Variants in CHM observed in about 807,000 individuals in gnomAD.
CHM encodes the protein rab proteins geranylgeranyltransferase component A 1.
Under a neutral mutation model 49.0 loss-of-function variants are expected in CHM, and 10 were observed. That is an observed-to-expected ratio of 0.20 (90% CI 0.13 to 0.35). The LOEUF (loss-of-function observed/expected upper bound fraction) is 0.35, where lower values mean the gene tolerates loss of function less well. CHM is among the 10% of genes least tolerant of loss of function. CHM has a pLI of 1.00. For missense variants in CHM, 455 were observed against 478.4 expected, an observed-to-expected ratio of 0.95 and a Z score of 0.46; for synonymous variants, 184 against 167.5, an observed-to-expected ratio of 1.10 and a Z score of -0.76.
rs779760173 is a variant in CHM at position 85,973,169 on chromosome X, C to T, written c.314+5598G>A. Among the ~76,000 whole-genome samples, 23 of 106,274 alleles carry T rather than the reference C, an allele frequency of 2.2e-4. No individual in the cohort carries two copies. The East Asian group carries it at 3.0e-3, about 14-fold the overall frequency. 92.3% of individuals were successfully genotyped at this position (106,274 alleles called of 115,157 possible). On this transcript the variant is annotated intron_variant, in intron 4 of 14. Coordinates refer to ENST00000357749, the MANE Select transcript of CHM (RefSeq NM_000390.4). ...CAAAAATTAGCTGCGCATGGTGGCA[C>T]GTGCCTGTAGTCCCAGCTACTCGGG...
intron 6 of CHM, among the ~76,000 whole-genome samples, chrX:85,958,208 C>T (rs1274711655): frequency 3.6e-5 from 4 of 112,148 alleles, no homozygotes; most frequent in Non-Finnish European, 7.5e-5. Context: ...AGGCCAACGG[C>T]ATGTCATCCT....
chrX:85,964,897 C>T (rs1201153979), intron 4 of CHM, among the ~76,000 whole-genome samples: 1 of 112,684 alleles, frequency 8.9e-6, no homozygotes, highest in Non-Finnish European at 1.9e-5. Flanking sequence ...ACTATTTTCA[C>T]TGAGTTGCCA....
chrX:86,008,296 T>C (rs1932914520), intron 2 of CHM, among the ~76,000 whole-genome samples: 2 of 110,662 alleles, frequency 1.8e-5, no homozygotes, highest in Non-Finnish European at 3.8e-5. Flanking sequence ...TTAGGAGAAA[T>C]ACCTAATGTA....
At chrX:85,955,613 T>C (rs1038097975) in intron 8 of CHM, among the ~76,000 whole-genome samples, 1 of 112,283 alleles carries the variant, frequency 8.9e-6, no homozygotes, top group African/African-American at 3.2e-5. Context: ...TATTCTTATG[T>C]ACGGCTAAAA....
At chrX:85,864,894 T>TAA in intron 14 of CHM, 73 bp from the exon 15 acceptor site, 1 of 968,677 alleles carries the variant, frequency 1.0e-6, no homozygotes, top group Non-Finnish European at 1.4e-6. Context: ...TGGCATTAAC[T>TAA]AAAAAAAAAT....
At chrX:85,937,443 A>G (rs1278988360) in intron 8 of CHM, among the ~76,000 whole-genome samples, 1 of 110,267 alleles carries the variant, frequency 9.1e-6, no homozygotes, top group Non-Finnish European at 1.9e-5. Flanking sequence ...TAGTATACAT[A>G]TATAACATAC....
rs768346061 is a variant in CHM at position 85,958,632 on chromosome X, G to A, written c.819+229C>T. Among the ~76,000 whole-genome samples the A allele has an allele frequency of 2.7e-5, 3 of 111,495 alleles. No individual in the cohort carries two copies. In the South Asian group the frequency reaches 1.1e-3, roughly 42 times the overall value. On this transcript the variant is annotated intron_variant, in intron 6 of 14. Coordinates refer to ENST00000357749, the MANE Select transcript of CHM (RefSeq NM_000390.4). ...GTCTTGGGTATAGTAACTCTGGTGT[G>A]CTTTTTGGTTTTTTGTGTGCTGCTT...
rs1043360869 is a variant in CHM, at chrX:85,912,879, G to A, written c.1167-1541C>T. 1.2e-4 allele frequency among the ~76,000 whole-genome samples: 13 copies of A among 108,603 alleles called. No individual in the cohort carries two copies. The South Asian group carries it at 2.5e-3, about 21-fold the overall frequency. 94.3% of individuals were successfully genotyped at this position (108,603 alleles called of 115,157 possible). On this transcript the variant is annotated intron_variant, in intron 8 of 14. Transcript: ENST00000357749. ...AAATACAAAATTAGCCAGGTACGGC[G>A]GTGCATGCCTGTCATCCCAGCTACA...
intron 13 of CHM, among the ~76,000 whole-genome samples, chrX:85,873,987 C>T (rs768135517): frequency 1.8e-5 from 2 of 111,067 alleles, no homozygotes; most frequent in African/African-American, 3.3e-5. Flanking sequence ...GTCTTTTATG[C>T]GTGTTAGGCA....
chrX:86,041,402 C>G (rs1934451983), intron 1 of CHM, among the ~76,000 whole-genome samples: 1 of 110,708 alleles, frequency 9.0e-6, no homozygotes, highest in African/African-American at 3.3e-5. Flanking sequence ...TTCAGAACAG[C>G]AAAATCTGCA....
Position 85,864,574 on chromosome X carries a change from G to C in CHM, c.*56C>G. 1 of 1,004,418 alleles carries C rather than the reference G, an allele frequency of 1.0e-6. No homozygotes were observed. The highest frequency in any genetic ancestry group is 1.4e-6 in the Non-Finnish European group (1 of 713,797). 82.8% of individuals were successfully genotyped at this position (1,004,418 alleles called of 1,213,427 possible). ...TCTCAAACAGTCCTTCTATCAAGTAGACTCTGAGACCAGTCAGAATTTCCA... is the reference window on the plus strand; with the variant it reads ...TCTCAAACAGTCCTTCTATCAAGTACACTCTGAGACCAGTCAGAATTTCCA... On this transcript the variant is annotated 3_prime_UTR_variant, in exon 15 of 15. Coordinates refer to ENST00000357749, the MANE Select transcript of CHM (RefSeq NM_000390.4).
At chrX:86,031,966 A>T (rs745969531) in intron 1 of CHM, among the ~76,000 whole-genome samples, 59 of 112,905 alleles carry the variant, frequency 5.2e-4, no homozygotes, top group Admixed American at 1.3e-3. Context: ...TGCATACTTA[A>T]AAGTTTTTGG....
intron 2 of CHM, among the ~76,000 whole-genome samples, chrX:86,009,874 TATCCTGGACCAG>T (rs1296513571): frequency 9.0e-6 from 1 of 110,854 alleles, no homozygotes; most frequent in Non-Finnish European, 1.9e-5. Flanking sequence ...TGCAAGGTAG[TATCCTGGACCAG>T]ATCCTGGAAC....
At chrX:85,890,631 A>G (rs1209429627) in intron 12 of CHM, among the ~76,000 whole-genome samples, 1 of 112,233 alleles carries the variant, frequency 8.9e-6, no homozygotes, top group Non-Finnish European at 1.9e-5. Flanking sequence ...GCCTCCTGCC[A>G]TGATTCTGAA....
At chrX:85,883,790 TTACA>T (rs965378489) in intron 12 of CHM, among the ~76,000 whole-genome samples, 24 of 110,741 alleles carry the variant, frequency 2.2e-4, no homozygotes, top group African/African-American at 7.2e-4. Flanking sequence ...TTCTGGATTA[TTACA>T]TACATCATAT....
Position 86,014,433 on chromosome X carries a change from C to T in CHM, c.116+13058G>A, listed in dbSNP as rs1487284444. ...TTACCAGAAGGAAAAGAGAATTCAT[C>T]TACAAAAGAATGACAGACTAACAGC... is the stretch of plus-strand genomic sequence containing the variant. On this transcript the variant is annotated intron_variant, in intron 2 of 14. Transcript: ENST00000357749. 3.6e-5 allele frequency among the ~76,000 whole-genome samples: 4 copies of T among 112,479 alleles called. No homozygotes were observed. The Admixed American group carries it at 3.7e-4, about 11-fold the overall frequency.
intron 2 of CHM, among the ~76,000 whole-genome samples, chrX:86,002,776 A>G (rs776235488): frequency 2.1e-4 from 24 of 112,794 alleles, no homozygotes; most frequent in African/African-American, 7.4e-4. Context: ...AGCAAGGCCT[A>G]CTGCCTCTAG....
intron 9 of CHM, among the ~76,000 whole-genome samples, chrX:85,904,851 G>A (rs954138782): frequency 4.5e-5 from 5 of 111,670 alleles, no homozygotes; most frequent in Admixed American, 1.9e-4. Context: ...ATTTGTAATT[G>A]TCTATTATCT....
intron 2 of CHM, among the ~76,000 whole-genome samples, chrX:85,983,193 G>A (rs992652210): frequency 9.0e-6 from 1 of 110,730 alleles, no homozygotes; most frequent in Admixed American, 9.7e-5. Flanking sequence ...TATTAATATA[G>A]ATCATATCGT....
Sources: gnomAD v4.1 joint callset for allele counts (sites outside exome capture counted in the v4.1 genomes callset) on GRCh38, gnomAD v4.1.1 for gene constraint, MANE v1.5 for transcripts, NCBI Gene and HGNC (gene_info 2026-07-23, HGNC 2026-07-21) for gene names.